Variants in STAG1 observed in about 807,000 individuals in gnomAD.
STAG1 encodes the protein STAG1 cohesin complex component, also known as cohesin subunit SA-1.
Under a neutral mutation model 170.9 loss-of-function variants are expected in STAG1, and 26 were observed. That is an observed-to-expected ratio of 0.15 (90% CI 0.11 to 0.21). The LOEUF (loss-of-function observed/expected upper bound fraction) is 0.21, where lower values mean the gene tolerates loss of function less well. Ranked by LOEUF, STAG1 falls within the 10% of genes least tolerant of loss-of-function variation. The pLI, the probability that STAG1 is intolerant of heterozygous loss-of-function variation, is 1.00. For synonymous variants in STAG1, 514 were observed against 497.7 expected, an observed-to-expected ratio of 1.03 and a Z score of -0.44; for missense variants, 964 against 1,509.5, an observed-to-expected ratio of 0.64 and a Z score of 5.99.
intron 3 of STAG1, among the ~76,000 whole-genome samples, chr3:136,606,478 A>G (rs909376023): frequency 6.6e-6 from 1 of 152,174 alleles, no homozygotes; most frequent in African/African-American, 2.4e-5. Flanking sequence ...ATCAGCCACC[A>G]CGAGCGGCCT....
intron 10 of STAG1, among the ~76,000 whole-genome samples, chr3:136,473,996 G>A (rs575475605): frequency 6.2e-4 from 95 of 152,206 alleles, no homozygotes; most frequent in African/African-American, 2.2e-3. Context: ...GAATAATTCT[G>A]TGGAAAAACC....
rs566839387 is a variant in STAG1, at chr3:136,669,803, G to A, written c.-83-38822C>T. 1.2e-4 allele frequency among the ~76,000 whole-genome samples: 18 copies of A among 152,278 alleles called. 2 individuals carry two copies. In the South Asian group the frequency reaches 3.3e-3, roughly 28 times the overall value. ...ACAACTTCAGAGCTATATTGCTGCA[G>A]AAAATAATGTGGCTTTCTATTAACT... is the stretch of plus-strand genomic sequence containing the variant. On this transcript the variant is annotated intron_variant, in intron 1 of 33. Coordinates refer to ENST00000383202, the MANE Select transcript of STAG1 (RefSeq NM_005862.3).
intron 1 of STAG1, among the ~76,000 whole-genome samples, chr3:136,706,556 A>G (rs923268456): frequency 6.6e-6 from 1 of 152,234 alleles, no homozygotes; most frequent in Non-Finnish European, 1.5e-5. Flanking sequence ...CACTGTTAAA[A>G]GAAATTAAGA....
intron 4 of STAG1, among the ~76,000 whole-genome samples, chr3:136,597,737 T>A (rs1489349248): frequency 4.6e-5 from 7 of 152,052 alleles, no homozygotes; most frequent in African/African-American, 1.7e-4. Context: ...CACAATTATA[T>A]CCTCTTCCAA....
chr3:136,647,385 C>G, intron 1 of STAG1, among the ~76,000 whole-genome samples: 1 of 152,138 alleles, frequency 6.6e-6, no homozygotes, highest in East Asian at 1.9e-4. Context: ...GCCTGACTAA[C>G]ATGGAGAAAC....
At chr3:136,386,162 A>G (rs1171616678) in intron 22 of STAG1, among the ~76,000 whole-genome samples, 1 of 152,114 alleles carries the variant, frequency 6.6e-6, no homozygotes, top group East Asian at 1.9e-4. Context: ...ATGGTGAAAC[A>G]CCGTCTCTAC....
At chr3:136,629,964 G>C (rs1940265194) in intron 2 of STAG1, among the ~76,000 whole-genome samples, 1 of 152,032 alleles carries the variant, frequency 6.6e-6, no homozygotes, top group Non-Finnish European at 1.5e-5. Flanking sequence ...GGGAGGCTGA[G>C]GTGGGCAGAC....
At chr3:136,736,708 G>T in intron 1 of STAG1, 1 of 1,603,130 alleles carries the variant, frequency 6.2e-7, no homozygotes, top group South Asian at 1.1e-5. Flanking sequence ...GCATCTCTTT[G>T]GCTTCTCTCT....
chr3:136,503,637 A>G (rs1933600750), intron 7 of STAG1, among the ~76,000 whole-genome samples: 1 of 152,226 alleles, frequency 6.6e-6, no homozygotes, highest in Non-Finnish European at 1.5e-5. Context: ...GGTTATTAAA[A>G]AAACTGAACT....
intron 1 of STAG1, among the ~76,000 whole-genome samples, chr3:136,649,051 T>TTACATC (rs1201635247): frequency 6.6e-6 from 1 of 152,222 alleles, no homozygotes; most frequent in Non-Finnish European, 1.5e-5. Flanking sequence ...ACACTGTAAT[T>TTACATC]TACATCTCTG....
intron 1 of STAG1, among the ~76,000 whole-genome samples, chr3:136,750,071 G>A (rs2107961384): frequency 6.6e-6 from 1 of 152,020 alleles, no homozygotes; most frequent in East Asian, 1.9e-4. Flanking sequence ...CAGAATCAAG[G>A]AAAAAAAGAT....
At chr3:136,685,714 T>C (rs933716606) in intron 1 of STAG1, among the ~76,000 whole-genome samples, 4 of 152,132 alleles carry the variant, frequency 2.6e-5, no homozygotes, top group Admixed American at 1.3e-4. Flanking sequence ...ATTCCAACTA[T>C]ATGACATTCT....
At chr3:136,612,385 T>C (rs1225144795) in intron 3 of STAG1, among the ~76,000 whole-genome samples, 1 of 151,898 alleles carries the variant, frequency 6.6e-6, no homozygotes, top group Admixed American at 6.6e-5. Flanking sequence ...GGCGGAAGGA[T>C]TGCTGAGGCC....
intron 4 of STAG1, among the ~76,000 whole-genome samples, chr3:136,602,562 A>G (rs996752718): frequency 6.6e-6 from 1 of 151,814 alleles, no homozygotes; most frequent in African/African-American, 2.4e-5. Context: ...CTATTAAAGT[A>G]TAATGAGGCC....
chr3:136,455,809 T>C (rs1443250949), intron 13 of STAG1, among the ~76,000 whole-genome samples: 2 of 152,206 alleles, frequency 1.3e-5, no homozygotes, highest in Non-Finnish European at 2.9e-5. Context: ...AGGATTAAGT[T>C]GCAGTACCCA....
chr3:136,546,856 A>C (rs1054987903), intron 5 of STAG1, among the ~76,000 whole-genome samples: 2 of 152,214 alleles, frequency 1.3e-5, no homozygotes. Context: ...ATTCTTTAGC[A>C]GTTTCTTATC....
In STAG1 at chr3:136,591,909, C is replaced by G. The variant is rs1039369167; in HGVS notation, c.297+12400G>C. On this transcript the variant is annotated intron_variant, in intron 4 of 33. Coordinates refer to ENST00000383202, the MANE Select transcript of STAG1 (RefSeq NM_005862.3). ...TTCAATGGAGACCTCTTACATCTAC[C>G]TTTGCTGAATTCAAGAGTCAGATTT... is the stretch of plus-strand genomic sequence containing the variant. Among the ~76,000 whole-genome samples the G allele has an allele frequency of 7.2e-5, 11 of 152,240 alleles. No individual in the cohort carries two copies. In the East Asian group the frequency reaches 1.5e-3, roughly 21 times the overall value.
At chr3:136,614,757 G>C (rs1011211880) in intron 3 of STAG1, among the ~76,000 whole-genome samples, 4 of 152,202 alleles carry the variant, frequency 2.6e-5, no homozygotes, top group African/African-American at 9.6e-5. Flanking sequence ...GTTGCAGTAT[G>C]AATGTGCAAT....
intron 23 of STAG1, among the ~76,000 whole-genome samples, chr3:136,374,761 A>T (rs1937518320): frequency 6.6e-6 from 1 of 152,170 alleles, no homozygotes; most frequent in Non-Finnish European, 1.5e-5. Context: ...TTATTATTGA[A>T]GAAAGAAAAA....
Sources: allele counts gnomAD v4.1 joint callset (sites outside exome capture counted in the v4.1 genomes callset), GRCh38; gene constraint gnomAD v4.1.1; transcripts MANE v1.5; gene names NCBI Gene and HGNC (gene_info 2026-07-23, HGNC 2026-07-21).